Variants in DHRS4L2 observed in about 807,000 individuals in gnomAD.
The protein encoded by DHRS4L2 is dehydrogenase/reductase SDR family member 4-like 2.
DHRS4L2 carries 22 observed loss-of-function variants against 23.9 expected under a neutral mutation model. That is an observed-to-expected ratio of 0.92 (90% CI 0.66 to 1.31). The LOEUF (loss-of-function observed/expected upper bound fraction) is 1.31, where lower values mean the gene tolerates loss of function less well. Among genes scored for constraint, DHRS4L2 ranks in the 40% most tolerant of loss-of-function variants. DHRS4L2 has a pLI of 0.00. For synonymous variants in DHRS4L2, 141 were observed against 123.7 expected, an observed-to-expected ratio of 1.14 and a Z score of -0.93; for missense variants, 385 against 303.3, an observed-to-expected ratio of 1.27 and a Z score of -2.00.
upstream of DHRS4L2, among the ~76,000 whole-genome samples, chr14:23,988,395 C>T (rs1381836598): frequency 6.7e-6 from 1 of 148,394 alleles, no homozygotes; most frequent in Non-Finnish European, 1.5e-5. Flanking sequence ...AAGGGCAGTG[C>T]CAGGCCTGGC....
upstream of DHRS4L2, among the ~76,000 whole-genome samples, chr14:23,987,519 C>T (rs8006402): frequency 0.24 from 35,859 of 151,076 alleles, 5,455 homozygotes; most frequent in African/African-American, 0.4. Context: ...AAAGTCATGC[C>T]TAGAACTGGA....
In DHRS4L2 at chr14:24,001,536, G is replaced by C; in HGVS notation, c.665+19G>C. 2 of 1,600,556 alleles carry C rather than the reference G, an allele frequency of 1.2e-6. No individual in the cohort carries two copies. The highest frequency in any genetic ancestry group is 1.7e-6 in the Non-Finnish European group (2 of 1,177,442). ...CAGGATGGTGAGGAAGGGGAGCTTT[G>C]CATTTGACTGGGACCCCTTGAAAGG... is the stretch of plus-strand genomic sequence containing the variant. On this transcript the variant is annotated intron_variant, in intron 6 of 7. Transcript: ENST00000335125.
At chr14:24,000,114 T>G (rs2034457950) in intron 3 of DHRS4L2, among the ~76,000 whole-genome samples, 2 of 141,662 alleles carry the variant, frequency 1.4e-5, no homozygotes, top group Admixed American at 1.4e-4. Flanking sequence ...TTTAAAAAAC[T>G]GTACAGATCT....
chr14:23,971,035 A>T (rs145827215), intron 1 of DHRS4L2, among the ~76,000 whole-genome samples: 1 of 152,106 alleles, frequency 6.6e-6, no homozygotes, highest in Admixed American at 6.5e-5. Context: ...AACCACAAAG[A>T]TGGAGAGAAA....
chr14:23,994,566 T>C (rs1345526153), intron 2 of DHRS4L2, among the ~76,000 whole-genome samples: 1 of 151,424 alleles, frequency 6.6e-6, no homozygotes, highest in Non-Finnish European at 1.5e-5. Flanking sequence ...CACGCACTTC[T>C]ACTCTCAACT....
At chr14:23,995,721 G>A (rs1357282279) in intron 3 of DHRS4L2, among the ~76,000 whole-genome samples, 2 of 151,676 alleles carry the variant, frequency 1.3e-5, no homozygotes, top group Non-Finnish European at 2.9e-5. Flanking sequence ...ATGTGAAAGT[G>A]TATAATTACA....
In DHRS4L2 at chr14:23,989,018, T is replaced by A; in HGVS notation, c.71T>A (p.Met24Lys). 1.2e-6 allele frequency: 2 copies of A among 1,608,242 alleles called. No homozygotes were observed. Among genetic ancestry groups the A allele is most frequent in the Middle Eastern group, 1.7e-4 (1 of 6,038 alleles). The change falls in exon 1 of 8, where the codon ATG (methionine) becomes AAG (lysine). Residue 24 changes from methionine to lysine, a missense_variant. By Grantham distance (95) the Met-to-Lys change is moderately conservative (BLOSUM62 -1). Transcript: ENST00000335125. ...RKSVRMASSRMTRRDPLTNKV... is the reference protein window; with the variant it reads ...RKSVRMASSRKTRRDPLTNKV... The stretch of plus-strand genomic sequence containing the variant: ...TCGGTGCGGATGGCCAGCTCCAGGA[T>A]GACCCGCCGGGACCCGCTCACAAAT...
intron 1 of DHRS4L2, among the ~76,000 whole-genome samples, chr14:23,974,684 T>C (rs113113425): frequency 9.2e-4 from 140 of 151,886 alleles, no homozygotes; most frequent in Middle Eastern, 3.4e-3. Flanking sequence ...ATACACCTTC[T>C]GCAGACTAAA....
chr14:23,975,620 C>T (rs2033951002), intron 1 of DHRS4L2, among the ~76,000 whole-genome samples: 1 of 151,650 alleles, frequency 6.6e-6, no homozygotes, highest in Admixed American at 6.6e-5. Context: ...CCAGTATAGC[C>T]AAGGAAATCA....
At chr14:23,970,372 T>C (rs967788901) in intron 1 of DHRS4L2, 41 of 400,618 alleles carry the variant, frequency 1.0e-4, no homozygotes, top group Middle Eastern at 8.4e-4. Context: ...GGGCCGAAAC[T>C]GCATCAGTTA....
At chr14:23,983,667 G>T (rs2034091291) in intron 1 of DHRS4L2, among the ~76,000 whole-genome samples, 1 of 151,684 alleles carries the variant, frequency 6.6e-6, no homozygotes, top group African/African-American at 2.4e-5. Flanking sequence ...TAAAGAAAAT[G>T]GGGCACATAT....
At chr14:23,971,855 G>A (rs7146552) in intron 1 of DHRS4L2, among the ~76,000 whole-genome samples, 2 of 151,676 alleles carry the variant, frequency 1.3e-5, no homozygotes, top group Non-Finnish European at 2.9e-5. Context: ...AAGGAACAAC[G>A]GGTACCAGCC....
At chr14:23,979,485 CAACAGAA>C (rs2034022686) in intron 1 of DHRS4L2, among the ~76,000 whole-genome samples, 1 of 96,454 alleles carries the variant, frequency 1.0e-5, no homozygotes, top group Admixed American at 1.1e-4. Context: ...CACCCCAAGT[CAACAGAA>C]TATACATTCT....
intron 3 of DHRS4L2, among the ~76,000 whole-genome samples, chr14:24,000,261 G>A (rs1399518177): frequency 2.7e-5 from 4 of 149,374 alleles, no homozygotes; most frequent in South Asian, 2.2e-4. Flanking sequence ...CTAGAACAGT[G>A]TAAACAGGGT....
intron 3 of DHRS4L2, among the ~76,000 whole-genome samples, 159 bp from the exon 4 acceptor site, chr14:24,000,704 T>C (rs1330572842): frequency 1.3e-5 from 2 of 151,862 alleles, no homozygotes; most frequent in Non-Finnish European, 2.9e-5. Flanking sequence ...TACTTCTCCC[T>C]GAACCTCAGT....
intron 3 of DHRS4L2, among the ~76,000 whole-genome samples, chr14:23,997,702 A>C (rs1165572811): frequency 6.7e-6 from 1 of 149,320 alleles, no homozygotes; most frequent in Non-Finnish European, 1.5e-5. Context: ...CCTATCTTCC[A>C]GCTCCGCTTC....
At chr14:23,989,096 T>C (rs1233714993) in intron 1 of DHRS4L2, 21 bp downstream of exon 1, 1 of 1,556,830 alleles carries the variant, frequency 6.4e-7, no homozygotes, top group African/African-American at 1.4e-5. Flanking sequence ...GTGCCGGAGT[T>C]TCTGAGGCCC....
upstream of DHRS4L2, among the ~76,000 whole-genome samples, chr14:23,985,801 G>A (rs1465797993): frequency 2.6e-5 from 4 of 151,516 alleles, no homozygotes; most frequent in Middle Eastern, 3.4e-3. Context: ...TGCAACCTCT[G>A]CCTCCCAGGT....
chr14:23,971,000 A>G (rs1198836518), intron 1 of DHRS4L2, among the ~76,000 whole-genome samples: 1 of 152,116 alleles, frequency 6.6e-6, no homozygotes, highest in Non-Finnish European at 1.5e-5. Context: ...ATAGGTCACC[A>G]ACATCAAAGA....
Sources: allele counts gnomAD v4.1 joint callset (sites outside exome capture counted in the v4.1 genomes callset), GRCh38; gene constraint gnomAD v4.1.1; transcripts MANE v1.5; gene names NCBI Gene and HGNC (gene_info 2026-07-23, HGNC 2026-07-21).